The following SEPTIN12 variants were observed in gnomAD, a reference collection of about 807,000 sequenced individuals.
The protein encoded by SEPTIN12 is septin 12.
SEPTIN12 carries 42 observed loss-of-function variants against 37.7 expected under a neutral mutation model. That is an observed-to-expected ratio of 1.11 (90% CI 0.87 to 1.44). The LOEUF (loss-of-function observed/expected upper bound fraction) is 1.44, where lower values mean the gene tolerates loss of function less well. Among genes scored for constraint, SEPTIN12 ranks in the 40% most tolerant of loss-of-function variants. The pLI, the probability that SEPTIN12 is intolerant of heterozygous loss-of-function variation, is 0.00. For missense variants in SEPTIN12, 613 were observed against 479.2 expected, an observed-to-expected ratio of 1.28 and a Z score of -2.61; for synonymous variants, 254 against 196.7, an observed-to-expected ratio of 1.29 and a Z score of -2.44.
At chr16:4,779,838 G>C in intron 7 of SEPTIN12, 52 bp from the exon 8 acceptor site, 1 of 1,287,738 alleles carries the variant, frequency 7.8e-7, no homozygotes, top group Non-Finnish European at 1.1e-6. Context: ...CTGGGGAGAA[G>C]AGAAGAAAAG....
Position 4,783,680 on chromosome 16 carries a change from G to T in SEPTIN12, c.599C>A (p.Thr200Asn). The T allele has an allele frequency of 1.9e-6, 3 of 1,614,066 alleles. No individual in the cohort carries two copies. In the Middle Eastern group the frequency reaches 4.9e-4, roughly 266 times the overall value. The change falls in exon 6 of 10, where the codon ACC (threonine) becomes AAC (asparagine). Residue 200 changes from threonine (T) to asparagine (N), a missense_variant. Physicochemically the swap from Thr to Asn is moderately conservative, Grantham distance 65 (BLOSUM62 0). Coordinates refer to ENST00000268231, the MANE Select transcript of SEPTIN12 (RefSeq NM_144605.5). ...VPVIARADSLTMEEREAFRRR... is the reference protein window; with the variant it reads ...VPVIARADSLNMEEREAFRRR... The stretch of plus-strand genomic sequence containing the variant: ...CCTGAAGGCCTCTCGCTCCTCCATG[G>T]TCAGGCTGTCGGCCCTGGCAATCAC...
chr16:4,789,875 CTCTTTCTTTTT>C (rs1211772309), upstream of SEPTIN12: 7 of 151,932 alleles, frequency 4.6e-5, no homozygotes, highest in Admixed American at 1.3e-4. Context: ...CAAATGTTTT[CTCTTTCTTTTT>C]TCTTTCTTTT....
At chr16:4,785,346 G>GAGCT (rs952079660) in intron 4 of SEPTIN12, among the ~76,000 whole-genome samples, 24 of 151,664 alleles carry the variant, frequency 1.6e-4, no homozygotes, top group Non-Finnish European at 3.5e-4. Flanking sequence ...TGGGCGACAA[G>GAGCT]AGCTAGATTC....
In SEPTIN12 at chr16:4,783,396, CTT is replaced by C. The variant is rs780639446; in HGVS notation, c.726+64_726+65del. On this transcript the variant is annotated intron_variant, in intron 7 of 9. Transcript: ENST00000268231. ...CCCTGAGATGTAGAGAAAGATGAGT[CTT>C]TGGATGGAAAGGATGTGTGGGAAGG... 1.5e-4 allele frequency: 174 copies of C among 1,188,850 alleles called. 1 individual carries two copies. In the African/African-American group the frequency reaches 2.4e-3, roughly 17 times the overall value. The allele number at this position is 1,188,850 out of a possible 1,614,324, so 73.6% of individuals were successfully genotyped here.
chr16:4,787,708 CAGAG>C, intron 1 of SEPTIN12, 41 bp from the exon 2 acceptor site: 5 of 822,740 alleles, frequency 6.1e-6, no homozygotes, highest in Non-Finnish European at 9.7e-6. Flanking sequence ...CACTGGGGCT[CAGAG>C]GAGCCCACAT....
upstream of SEPTIN12, among the ~76,000 whole-genome samples, chr16:4,791,157 T>C (rs1440248381): frequency 6.6e-6 from 1 of 152,194 alleles, no homozygotes; most frequent in South Asian, 2.1e-4. Context: ...GGTCTAATTC[T>C]GAAAATCGTG....
rs2082412517 is a variant in SEPTIN12, at chr16:4,784,545, G to A, written c.375-477C>T. Among the ~76,000 whole-genome samples the A allele has an allele frequency of 1.4e-5, 2 of 139,338 alleles. 1 individual carries two copies. The highest frequency in any genetic ancestry group is 5.0e-4 in the South Asian group (2 of 3,988). The allele number at this position is 139,338 out of a possible 152,430, so 91.4% of individuals were successfully genotyped here. ...AGCACTTTGGGAGGCGGAGGCAGGA[G>A]GATCGCTCGAGCCCAGGAATTCGAG... On this transcript the variant is annotated intron_variant, in intron 4 of 9. Coordinates refer to ENST00000268231, the MANE Select transcript of SEPTIN12 (RefSeq NM_144605.5).
chr16:4,791,031 G>A (rs533577669), upstream of SEPTIN12, among the ~76,000 whole-genome samples: 292 of 152,322 alleles, frequency 1.9e-3, 1 homozygote, highest in African/African-American at 6.7e-3. Flanking sequence ...CTCTGGTGAT[G>A]GTGACGTGTG....
intron 4 of SEPTIN12, chr16:4,784,340 T>C (rs2082410257): frequency 2.2e-6 from 1 of 456,074 alleles, no homozygotes; most frequent in East Asian, 3.8e-5. Context: ...GCATTAACTG[T>C]ATTAAAGGGC....
At chr16:4,787,954 C>G (rs2082486489) in intron 1 of SEPTIN12, 1 of 306,224 alleles carries the variant, frequency 3.3e-6, no homozygotes, top group African/African-American at 2.2e-5. Context: ...TCGCTTCCCC[C>G]AGCAGAGCCT....
intron 8 of SEPTIN12, among the ~76,000 whole-genome samples, chr16:4,778,868 G>A (rs1041206842): frequency 4.6e-5 from 7 of 151,680 alleles, no homozygotes; most frequent in South Asian, 4.2e-4. Context: ...GACCGGGCGC[G>A]GTGGCACACG....
chr16:4,779,578 G>A, intron 8 of SEPTIN12, 112 bp downstream of exon 8: 1 of 760,902 alleles, frequency 1.3e-6, no homozygotes, highest in South Asian at 1.4e-5. Flanking sequence ...AGGGCTCTTT[G>A]TCTAGTGGGC....
chr16:4,783,147 G>T (rs1435992705), intron 7 of SEPTIN12, among the ~76,000 whole-genome samples: 2 of 152,076 alleles, frequency 1.3e-5, no homozygotes, highest in African/African-American at 2.4e-5. Flanking sequence ...GACCTCAAGC[G>T]ATCTGCCTGC....
In SEPTIN12 at chr16:4,785,965, C is replaced by A. The variant is rs896476354; in HGVS notation, c.292+15G>T. 6.2e-7 allele frequency: 1 copy of A among 1,611,234 alleles called. No individual in the cohort carries two copies. Among genetic ancestry groups the A allele is most frequent in the Non-Finnish European group, 8.5e-7 (1 of 1,178,286 alleles). On this transcript the variant is annotated intron_variant, in intron 3 of 9. Coordinates refer to ENST00000268231, the MANE Select transcript of SEPTIN12 (RefSeq NM_144605.5). ...GGGGCAGGGTGGGGTGAGGTGTGGG[C>A]AGGGGCTCACTCACCATGGGTCAGT... is the stretch of plus-strand genomic sequence containing the variant.
Position 4,778,070 on chromosome 16 carries a change from C to A in SEPTIN12, c.875+16G>T, listed in dbSNP as rs764425880. 1.4e-5 allele frequency: 22 copies of A among 1,614,074 alleles called. No individual in the cohort carries two copies. Among genetic ancestry groups the A allele is most frequent in the Non-Finnish European group, 1.5e-5 (18 of 1,179,954 alleles). The stretch of plus-strand genomic sequence containing the variant: ...CCCTCGCCAGCCCCCTAGCCCCAGG[C>A]TCCCCACACCCTCACCGGATAAGCA... On this transcript the variant is annotated intron_variant, in intron 9 of 9. Coordinates refer to ENST00000268231, the MANE Select transcript of SEPTIN12 (RefSeq NM_144605.5).
chr16:4,789,320 T>C (rs1373329542), upstream of SEPTIN12, among the ~76,000 whole-genome samples: 5 of 151,848 alleles, frequency 3.3e-5, no homozygotes, highest in Non-Finnish European at 7.4e-5. Flanking sequence ...TTTTTTCTTT[T>C]TTCCTTTTTT....
At chr16:4,784,585 C>T (rs994572341) in intron 4 of SEPTIN12, among the ~76,000 whole-genome samples, 3 of 97,630 alleles carry the variant, frequency 3.1e-5, no homozygotes, top group African/African-American at 9.7e-5. Context: ...GCCTGGGCAA[C>T]ATGGGGAAAC....
At chr16:4,784,495 C>A (rs1279230460) in intron 4 of SEPTIN12, among the ~76,000 whole-genome samples, 2 of 148,346 alleles carry the variant, frequency 1.3e-5, no homozygotes, top group Middle Eastern at 3.5e-3. Flanking sequence ...TCAGGCCAGG[C>A]CCGATGGCTC....
At chr16:4,790,352 G>A (rs1351507113), upstream of SEPTIN12, among the ~76,000 whole-genome samples, 3 of 152,212 alleles carry the variant, frequency 2.0e-5, no homozygotes, top group Non-Finnish European at 4.4e-5. Context: ...AAGTAAAACC[G>A]TATTCACAGA....
Sources: gnomAD v4.1 joint callset for allele counts (sites outside exome capture counted in the v4.1 genomes callset) on GRCh38, gnomAD v4.1.1 for gene constraint, MANE v1.5 for transcripts, NCBI Gene and HGNC (gene_info 2026-07-23, HGNC 2026-07-21) for gene names.